Variants in FERMT1 observed in about 807,000 individuals in gnomAD.
FERMT1 encodes fermitin family homolog 1.
In FERMT1, 60 loss-of-function variants were observed where a neutral mutation model predicts 85.3. The observed-to-expected ratio is 0.70, with a 90% CI of 0.57 to 0.87. The LOEUF (loss-of-function observed/expected upper bound fraction) is 0.87, where lower values mean the gene tolerates loss of function less well. Ranked by LOEUF, FERMT1 falls within the 40% of genes least tolerant of loss-of-function variation. The pLI is 0.00. For missense variants in FERMT1, 701 were observed against 818.9 expected (o/e 0.86, Z 1.76); for synonymous variants, 275 against 301.1 (o/e 0.91, Z 0.90).
In FERMT1 at chr20:6,115,861, C is replaced by G. The variant is rs1243546070; in HGVS notation, c.335G>C (p.Ser112Thr). ...AGCTTTAAAAACCACAGCTGAGAAGCTGACTCGCAACCTCACCATCTTCAA... is the reference window on the plus strand; with the variant it reads ...AGCTTTAAAAACCACAGCTGAGAAGGTGACTCGCAACCTCACCATCTTCAA... ...PNLKMVRLRV[S>T]FSAVVFKAVS... Residue 112 changes from serine to threonine, a missense_variant, in exon 3 of 15, where the codon AGC becomes ACC. Physicochemically the swap from Ser to Thr is moderately conservative, Grantham distance 58 (BLOSUM62 1). Transcript: ENST00000217289. The G allele has an allele frequency of 6.2e-7, 1 of 1,614,188 alleles. No homozygotes were observed. The highest frequency in any genetic ancestry group is 1.1e-5 in the South Asian group (1 of 91,078).
rs553342112 is a variant in FERMT1 at position 6,075,460 on chromosome 20, C to G, written c.*1713G>C. ...CAAATCAAGTTCTTTATGATGTGAA[C>G]CAGATTTTCCAAATGCCTAAACCAC... On this transcript the variant is annotated 3_prime_UTR_variant, in exon 15 of 15. Coordinates refer to ENST00000217289, the MANE Select transcript of FERMT1 (RefSeq NM_017671.5). 1 of 152,380 alleles carries G rather than the reference C, an allele frequency of 6.6e-6. No individual in the cohort carries two copies. Among genetic ancestry groups the G allele is most frequent in the South Asian group, 2.1e-4 (1 of 4,810 alleles). 9.4% of individuals were successfully genotyped at this position (152,380 alleles called of 1,614,324 possible). A position where few individuals can be genotyped will look rare whatever the true frequency, so the allele number is the denominator to read the frequency against.
chr20:6,083,701 A>AC (rs1982073351), intron 13 of FERMT1, among the ~76,000 whole-genome samples: 1 of 149,968 alleles, frequency 6.7e-6, no homozygotes, highest in South Asian at 2.1e-4. Context: ...CTTAAAAAAA[A>AC]AAAACAAAAA....
At position 6,089,089 on chromosome 20, in the gene FERMT1, C is replaced by A; in HGVS notation, c.1140G>T (p.Arg380Ser). The change falls in exon 10 of 15, where the codon AGG (arginine) becomes AGT (serine). Residue 380 changes from arginine to serine, a missense_variant and splice_region_variant. Physicochemically the swap from Arg to Ser is moderately radical, Grantham distance 110. Transcript: ENST00000217289. ...PKLADNLKLFRPKKLLPKAFK... is the reference protein window; with the variant it reads ...PKLADNLKLFSPKKLLPKAFK... ...AAGCTTTTGGTAGTAACTTCTTGGG[C>A]CTGCAAATTCAAAGATAGTGAATGT... The A allele has an allele frequency of 6.2e-7, 1 of 1,611,008 alleles. No homozygotes were observed. Among genetic ancestry groups the A allele is most frequent in the Non-Finnish European group, 8.5e-7 (1 of 1,177,964 alleles).
intron 12 of FERMT1, among the ~76,000 whole-genome samples, chr20:6,084,455 C>T (rs1982104469): frequency 6.6e-6 from 1 of 152,166 alleles, no homozygotes; most frequent in Non-Finnish European, 1.5e-5. Flanking sequence ...AATGATTCTA[C>T]ATGAATCAGC....
intron 3 of FERMT1, among the ~76,000 whole-genome samples, chr20:6,114,842 C>T (rs954526423): frequency 6.6e-6 from 1 of 152,158 alleles, no homozygotes; most frequent in Non-Finnish European, 1.5e-5. Context: ...TACTATCCAT[C>T]CCATTTTAAC....
At chr20:6,107,662 A>G (rs1982836996) in intron 5 of FERMT1, 28 bp from the exon 6 acceptor site, 2 of 1,321,156 alleles carry the variant, frequency 1.5e-6, no homozygotes, top group Non-Finnish European at 2.2e-6. Flanking sequence ...GAGTTTTAGA[A>G]GCCAGTCAAT....
At chr20:6,115,288 A>C (rs187896200) in intron 3 of FERMT1, among the ~76,000 whole-genome samples, 3 of 152,326 alleles carry the variant, frequency 2.0e-5, no homozygotes, top group Admixed American at 1.3e-4. Context: ...ATTATAGGAT[A>C]CCAAATCTAT....
chr20:6,086,127 C>T (rs1353220233), intron 11 of FERMT1, among the ~76,000 whole-genome samples: 7 of 146,680 alleles, frequency 4.8e-5, no homozygotes, highest in Non-Finnish European at 7.4e-5. Context: ...GGTGACAGAG[C>T]GAGACTCCAT....
rs753927 is a variant in FERMT1 at position 6,084,063 on chromosome 20, A to G, written c.1695T>C (p.Phe565=). The G allele has an allele frequency of 0.36, 586,978 of 1,612,042 alleles. 110,378 individuals carry two copies. Among genetic ancestry groups the G allele is most frequent in the East Asian group, 0.63 (28,414 of 44,826 alleles). ...ACCTGACAAGGTAGTAGGTGAGGCCAAACTCAGGCAGTGACTGCCACGCCT... is the reference window on the plus strand; with the variant it reads ...ACCTGACAAGGTAGTAGGTGAGGCCGAACTCAGGCAGTGACTGCCACGCCT... The part of the protein sequence containing the change: ...FIQAWQSLPE[F]GLTYYLVRFK... Residue 565 remains phenylalanine (F), a synonymous_variant, in exon 13 of 15, where the codon TTT becomes TTC. Transcript: ENST00000217289.
chr20:6,110,578 T>A, intron 4 of FERMT1, 67 bp from the exon 5 acceptor site: 1 of 1,201,524 alleles, frequency 8.3e-7, no homozygotes, highest in Non-Finnish European at 1.2e-6. Flanking sequence ...AAGAAAATAT[T>A]AACATTACTT....
intron 3 of FERMT1, among the ~76,000 whole-genome samples, chr20:6,114,166 C>T (rs931744857): frequency 1.3e-5 from 2 of 152,174 alleles, no homozygotes; most frequent in African/African-American, 4.8e-5. Context: ...TGTCAGGTTG[C>T]AACACACGTG....
chr20:6,120,217 T>C (rs2123159212), intron 1 of FERMT1, among the ~76,000 whole-genome samples: 1 of 152,312 alleles, frequency 6.6e-6, no homozygotes, highest in East Asian at 1.9e-4. Flanking sequence ...TATATAGTTT[T>C]ACCTTAAATA....
Position 6,084,054 on chromosome 20 carries a change from G to C in FERMT1, c.1704C>G (p.Thr568=), listed in dbSNP as rs1349792597. ...AWQSLPEFGL[T]YYLVRFKGSK... ...ATTGTAATCACCTGACAAGGTAGTA[G>C]GTGAGGCCAAACTCAGGCAGTGACT... Residue 568 remains threonine (T), a synonymous_variant, in exon 13 of 15, where the codon ACC becomes ACG. Coordinates refer to ENST00000217289, the MANE Select transcript of FERMT1 (RefSeq NM_017671.5). 6.2e-7 allele frequency: 1 copy of C among 1,614,078 alleles called. No homozygotes were observed. The highest frequency in any genetic ancestry group is 2.2e-5 in the East Asian group (1 of 44,898).
intron 12 of FERMT1, among the ~76,000 whole-genome samples, chr20:6,084,844 C>A (rs186395644): frequency 6.6e-5 from 10 of 152,156 alleles, no homozygotes; most frequent in Admixed American, 3.9e-4. Flanking sequence ...CAGGTGTGCA[C>A]CACCACGTCT....
chr20:6,089,223 T>G, intron 9 of FERMT1, 134 bp from the exon 10 acceptor site: 1 of 873,264 alleles, frequency 1.1e-6, no homozygotes, highest in South Asian at 1.4e-5. Context: ...AATTTCAAAT[T>G]GCTAATTTCC....
chr20:6,079,641 C>T, intron 13 of FERMT1, 64 bp from the exon 14 acceptor site: 1 of 1,434,604 alleles, frequency 7.0e-7, no homozygotes, highest in South Asian at 1.2e-5. Context: ...TGTTCACTCA[C>T]ATATAACTTC....
At chr20:6,114,855 C>T (rs532849399) in intron 3 of FERMT1, among the ~76,000 whole-genome samples, 1 of 152,220 alleles carries the variant, frequency 6.6e-6, no homozygotes, top group Admixed American at 6.5e-5. Context: ...ATTTTAACCT[C>T]TTATATTCTT....
intron 14 of FERMT1, 93 bp downstream of exon 14, chr20:6,079,343 A>G: frequency 1.5e-6 from 2 of 1,330,792 alleles, no homozygotes; most frequent in Non-Finnish European, 2.1e-6. Flanking sequence ...AGGTCTAAAT[A>G]GAAGAACACC....
Position 6,079,505 on chromosome 20 carries a change from G to A in FERMT1, c.1791C>T (p.Thr597=), listed in dbSNP as rs768944793. 179 of 1,613,042 alleles carry A rather than the reference G, an allele frequency of 1.1e-4. 1 individual carries two copies. Among genetic ancestry groups the A allele is most frequent in the East Asian group, 3.6e-4 (16 of 44,874 alleles). Residue 597 remains threonine (T), a synonymous_variant, in exon 14 of 15, where the codon ACC becomes ACT. Coordinates refer to ENST00000217289, the MANE Select transcript of FERMT1 (RefSeq NM_017671.5). ...YNRLIKIDAA[T]GIPVTTWRFT... ...ATCTCCATGTTGTCACTGGAATCCC[G>A]GTGGCTGCATCAATTTTAATCAACC...
Sources: gnomAD v4.1 joint callset for allele counts (sites outside exome capture counted in the v4.1 genomes callset) on GRCh38, gnomAD v4.1.1 for gene constraint, MANE v1.5 for transcripts, NCBI Gene and HGNC (gene_info 2026-07-23, HGNC 2026-07-21) for gene names.